The following PUDP variants were observed in gnomAD, a reference collection of about 807,000 sequenced individuals.
The protein encoded by PUDP is pseudouridine 5'-phosphatase.
Under a neutral mutation model 9.4 loss-of-function variants are expected in PUDP, and 8 were observed. The observed-to-expected ratio is 0.85, with a 90% CI of 0.50 to 1.53. The LOEUF (loss-of-function observed/expected upper bound fraction) is 1.53. Ranked by LOEUF, PUDP falls within the 40% of genes most tolerant of loss-of-function variation. The probability of loss-of-function intolerance (pLI) is 0.00; values close to 1 mark genes in which losing one functional copy is unlikely to be tolerated. For missense variants in PUDP, 188 were observed against 189.7 expected (o/e 0.99, Z 0.05); for synonymous variants, 99 against 80.7 (o/e 1.23, Z -1.22).
chrX:6,874,135 T>A (rs1927215951), intron 3 of PUDP, among the ~76,000 whole-genome samples: 1 of 104,853 alleles, frequency 9.5e-6, no homozygotes, highest in Non-Finnish European at 2.0e-5. Context: ...CCCCATCTCT[T>A]AAAAAAAAAA....
chrX:7,002,975 CCT>C (rs1929348037), intron 1 of PUDP, among the ~76,000 whole-genome samples: 1 of 109,865 alleles, frequency 9.1e-6, no homozygotes, highest in Non-Finnish European at 1.9e-5. Context: ...CACAGAGGGA[CCT>C]CTCTGTCCAC....
intron 1 of PUDP, among the ~76,000 whole-genome samples, chrX:6,999,127 A>G (rs1372094504): frequency 9.0e-6 from 1 of 110,711 alleles, no homozygotes; most frequent in Non-Finnish European, 1.9e-5. Context: ...ATCTCAGGTA[A>G]CCTCCCTCAT....
At chrX:6,732,565 TAGGGAGGGAGAG>T (rs1924821964) in intron 3 of PUDP, among the ~76,000 whole-genome samples, 1 of 70,825 alleles carries the variant, frequency 1.4e-5, no homozygotes, top group African/African-American at 5.8e-5. Context: ...GGGAGGGAGG[TAGGGAGGGAGAG>T]AGGGAGGGAG....
intron 3 of PUDP, among the ~76,000 whole-genome samples, chrX:6,803,197 C>A: frequency 9.0e-6 from 1 of 110,759 alleles, no homozygotes; most frequent in Non-Finnish European, 1.9e-5. Flanking sequence ...ACGACGAGAC[C>A]CTTGCATTTT....
At chrX:6,736,367 G>C (rs756598200) in intron 3 of PUDP, among the ~76,000 whole-genome samples, 7 of 111,809 alleles carry the variant, frequency 6.3e-5, no homozygotes, top group Non-Finnish European at 9.4e-5. Context: ...ACCAGGAAAG[G>C]TTACTTTATA....
At chrX:6,752,210 A>G (rs1215161637) in intron 3 of PUDP, among the ~76,000 whole-genome samples, 2 of 111,619 alleles carry the variant, frequency 1.8e-5, no homozygotes, top group African/African-American at 6.5e-5. Flanking sequence ...CTGGTTTCCT[A>G]AACTTCACTC....
chrX:7,075,317 C>T (rs1392663020), intron 3 of PUDP, among the ~76,000 whole-genome samples: 1 of 111,212 alleles, frequency 9.0e-6, no homozygotes, highest in Admixed American at 9.5e-5. Flanking sequence ...CCAGCCTGGC[C>T]AACATGATGA....
intron 3 of PUDP, among the ~76,000 whole-genome samples, chrX:6,969,629 C>A (rs1358161871): frequency 3.6e-5 from 4 of 112,369 alleles, no homozygotes; most frequent in Non-Finnish European, 7.5e-5. Flanking sequence ...ATAATCTCAG[C>A]ACTTTGGGAG....
Position 6,731,972 on chromosome X carries a change from T to C in PUDP, c.*248-25506A>G, listed in dbSNP as rs143141674. Among the ~76,000 whole-genome samples, 528 of 112,313 alleles carry C rather than the reference T, an allele frequency of 4.7e-3. 6 individuals carry two copies. The highest frequency in any genetic ancestry group is 0.016 in the African/African-American group (506 of 30,990). ...CCCATTTGTACTCCATCATATTTCATATATAAATACATATATGCAAAGCCC... is the reference window on the plus strand; with the variant it reads ...CCCATTTGTACTCCATCATATTTCACATATAAATACATATATGCAAAGCCC... On this transcript the variant is annotated intron_variant and NMD_transcript_variant, in intron 3 of 3. Transcript: ENST00000655425.
intron 3 of PUDP, among the ~76,000 whole-genome samples, chrX:6,726,659 G>A (rs1924741660): frequency 9.0e-6 from 1 of 111,508 alleles, no homozygotes; most frequent in Non-Finnish European, 1.9e-5. Context: ...TGGTCATAAA[G>A]CACACAGTTA....
chrX:6,966,065 G>T (rs910259426), intron 3 of PUDP, among the ~76,000 whole-genome samples: 4 of 111,217 alleles, frequency 3.6e-5, no homozygotes. Flanking sequence ...CAACTTATGA[G>T]GATGTAAGTT....
chrX:6,839,577 AG>A (rs1926634494), intron 3 of PUDP, among the ~76,000 whole-genome samples: 1 of 111,820 alleles, frequency 8.9e-6, no homozygotes, highest in South Asian at 3.7e-4. Context: ...TTTTCACATT[AG>A]GGTTAAAATT....
chrX:6,863,360 A>G (rs1927031668), intron 3 of PUDP, among the ~76,000 whole-genome samples: 1 of 112,801 alleles, frequency 8.9e-6, no homozygotes, highest in Admixed American at 9.4e-5. Context: ...GGATGGCTAA[A>G]TAGTAGAAAA....
intron 3 of PUDP, among the ~76,000 whole-genome samples, chrX:6,813,388 A>G (rs1484637044): frequency 9.0e-6 from 1 of 111,360 alleles, no homozygotes; most frequent in Admixed American, 9.5e-5. Flanking sequence ...ACTTCATGAT[A>G]AACAGCTCAG....
chrX:6,799,362 T>G (rs1010926686), intron 3 of PUDP, among the ~76,000 whole-genome samples: 1 of 111,989 alleles, frequency 8.9e-6, no homozygotes, highest in African/African-American at 3.2e-5. Flanking sequence ...TACTCTTGGC[T>G]AAACCTGCAA....
At position 6,755,235 on chromosome X, in the gene PUDP, A is replaced by T. The variant is rs183195432; in HGVS notation, c.*248-48769T>A. ...GTCACATATTCATCAGCTGACAAAA[A>T]TGTTATAACCAGGGGGCTCATAAGA... On this transcript the variant is annotated intron_variant and NMD_transcript_variant, in intron 3 of 3. Transcript: ENST00000655425. Among the ~76,000 whole-genome samples, 12 of 111,886 alleles carry T rather than the reference A, an allele frequency of 1.1e-4. No individual in the cohort carries two copies. In the East Asian group the frequency reaches 3.4e-3, roughly 32 times the overall value.
chrX:7,071,304 T>A (rs1428884733), intron 3 of PUDP, among the ~76,000 whole-genome samples: 1 of 111,444 alleles, frequency 9.0e-6, no homozygotes, highest in African/African-American at 3.3e-5. Context: ...CTGAAGGAAA[T>A]CACATTGGAA....
intron 1 of PUDP, among the ~76,000 whole-genome samples, chrX:7,035,392 A>G (rs894664833): frequency 2.7e-5 from 3 of 112,075 alleles, no homozygotes; most frequent in Non-Finnish European, 5.6e-5. Context: ...TTTGCCTGAT[A>G]TAAGTTTTAA....
intron 3 of PUDP, among the ~76,000 whole-genome samples, chrX:7,073,281 TGTC>T (rs1337022521): frequency 3.6e-5 from 4 of 112,415 alleles, no homozygotes; most frequent in Non-Finnish European, 5.6e-5. Flanking sequence ...GATTCTTTAA[TGTC>T]AGCTCTGTTG....
Sources: allele counts gnomAD v4.1 joint callset (sites outside exome capture counted in the v4.1 genomes callset), GRCh38; gene constraint gnomAD v4.1.1; transcripts MANE v1.5; gene names NCBI Gene and HGNC (gene_info 2026-07-23, HGNC 2026-07-21).